ADAM19: variants seen among roughly 807,000 people sequenced by gnomAD.
The protein encoded by ADAM19 is ADAM metallopeptidase domain 19, also known as disintegrin and metalloproteinase domain-containing protein 19.
ADAM19 carries 65 observed loss-of-function variants against 114.7 expected under a neutral mutation model. That is an observed-to-expected ratio of 0.57 (90% CI 0.46 to 0.70). ADAM19 has a LOEUF of 0.70. ADAM19 is among the 30% of genes least tolerant of loss of function. ADAM19 has a pLI of 0.00. For synonymous variants in ADAM19, 466 were observed against 460.5 expected (o/e 1.01, Z -0.15); for missense variants, 1,063 against 1,204.7 (o/e 0.88, Z 1.74).
intron 21 of ADAM19, among the ~76,000 whole-genome samples, chr5:157,486,438 C>T (rs918458764): frequency 6.6e-6 from 1 of 152,104 alleles, no homozygotes; most frequent in Non-Finnish European, 1.5e-5. Flanking sequence ...GGGGTGCCTG[C>T]CACTGGCTGG....
Position 157,502,929 on chromosome 5 carries a change from C to G in ADAM19, c.1182G>C (p.Arg394Ser). The change falls in exon 12 of 23, where the codon AGG becomes AGC. Residue 394 changes from arginine to serine, a missense_variant. Around this residue, in one of 3 missense-constraint regions of ADAM19, gnomAD observed 615 missense variants for 706.3 expected, o/e 0.87. Transcript: ENST00000257527. ...FNGCNRRELD[R>S]YLQSGGGMCL... is the part of the protein sequence containing the mutation. ...ACATTCCACCACCTGACTGCAGATA[C>G]CTGTCCAGCTCCCTCCTGTTGCATC... 6.2e-7 allele frequency: 1 copy of G among 1,614,178 alleles called. No individual in the cohort carries two copies. The highest frequency in any genetic ancestry group is 8.5e-7 in the Non-Finnish European group (1 of 1,180,028).
chr5:157,499,553 T>C lies in ADAM19; in HGVS notation c.1398+20A>G. 3.7e-6 allele frequency: 6 copies of C among 1,604,846 alleles called. No individual in the cohort carries two copies. Among genetic ancestry groups the C allele is most frequent in the Non-Finnish European group, 4.3e-6 (5 of 1,173,206 alleles). Reference sequence around the variant, plus strand: ...CACTGTCAGGCCAGGGCCCAAGGCGTGGAGAAAAGGGCCACTTACCTTACA... The same window carrying C: ...CACTGTCAGGCCAGGGCCCAAGGCGCGGAGAAAAGGGCCACTTACCTTACA... On this transcript the variant is annotated intron_variant, in intron 13 of 22. Coordinates refer to ENST00000257527, the MANE Select transcript of ADAM19 (RefSeq NM_033274.5).
Position 157,477,483 on chromosome 5 carries a change from T to C in ADAM19, c.*3466A>G. On this transcript the variant is annotated 3_prime_UTR_variant, in exon 23 of 23. Coordinates refer to ENST00000257527, the MANE Select transcript of ADAM19 (RefSeq NM_033274.5). ...CTCCCAAATAAAAAGAAAATTCACA[T>C]TGCCCTGGATCCCAGACACATACAA... 1 of 1,041,350 alleles carries C rather than the reference T, an allele frequency of 9.6e-7. No individual in the cohort carries two copies. The highest frequency in any genetic ancestry group is 1.2e-6 in the Non-Finnish European group (1 of 859,704). The allele number at this position is 1,041,350 out of a possible 1,614,324, so 64.5% of individuals were successfully genotyped here. A position where few individuals can be genotyped will look rare whatever the true frequency, so the allele number is the denominator to read the frequency against.
intron 2 of ADAM19, among the ~76,000 whole-genome samples, chr5:157,570,222 T>C (rs987087658): frequency 2.6e-5 from 4 of 152,146 alleles, no homozygotes; most frequent in African/African-American, 4.8e-5. Flanking sequence ...ATCATGTCAC[T>C]GCACTCCAGC....
intron 3 of ADAM19, among the ~76,000 whole-genome samples, chr5:157,553,248 G>T (rs2113781266): frequency 1.3e-5 from 2 of 152,176 alleles, no homozygotes; most frequent in Middle Eastern, 6.8e-3. Context: ...TTCATGATGT[G>T]CTTATTTCAC....
In ADAM19 at chr5:157,492,285, C is replaced by G. The variant is rs571459583; in HGVS notation, c.1909-373G>C. 5.9e-5 allele frequency among the ~76,000 whole-genome samples: 9 copies of G among 152,154 alleles called. No individual in the cohort carries two copies. The South Asian group carries it at 1.9e-3, about 32-fold the overall frequency. The stretch of plus-strand genomic sequence containing the variant: ...CCAGCCTGGGTGACAGAGCAAGACT[C>G]CATCTTAAAAGAAAAAAAGTATGAG... On this transcript the variant is annotated intron_variant, in intron 16 of 22. Coordinates refer to ENST00000257527, the MANE Select transcript of ADAM19 (RefSeq NM_033274.5).
At chr5:157,485,954 A>G (rs1012484522) in intron 21 of ADAM19, among the ~76,000 whole-genome samples, 4 of 152,230 alleles carry the variant, frequency 2.6e-5, no homozygotes, top group Admixed American at 1.3e-4. Context: ...CTGGAGGCAA[A>G]GCTGCCATCT....
intron 2 of ADAM19, chr5:157,568,764 T>G (rs1757741468): frequency 6.6e-6 from 1 of 152,146 alleles, no homozygotes; most frequent in South Asian, 2.1e-4. Flanking sequence ...ATGAGTGAAT[T>G]AATTATATAA....
chr5:157,491,878 AAGG>A lies in ADAM19; in HGVS notation c.1940_1942del (p.Ser647del), dbSNP rs762790571. 1 of 1,614,198 alleles carries A rather than the reference AAGG, an allele frequency of 6.2e-7. No homozygotes were observed. The highest frequency in any genetic ancestry group is 1.1e-5 in the South Asian group (1 of 91,086). On this transcript the variant is annotated inframe_deletion, in exon 17 of 23. Coordinates refer to ENST00000257527, the MANE Select transcript of ADAM19 (RefSeq NM_033274.5). Reference sequence around the variant, plus strand: ...CTTCCCACAGCCTTCAGTTTCAAAGAAGGAGGTGTTCCTGCACTGCCCCTCAAA... The same window carrying A: ...CTTCCCACAGCCTTCAGTTTCAAAGAAGGTGTTCCTGCACTGCCCCTCAAA...
chr5:157,485,053 C>T (rs1375982616), intron 21 of ADAM19, among the ~76,000 whole-genome samples: 1 of 152,222 alleles, frequency 6.6e-6, no homozygotes, highest in Non-Finnish European at 1.5e-5. Context: ...CTCCCTTCCA[C>T]AAGGGATGGC....
At chr5:157,508,984 T>A (rs1755829551) in intron 9 of ADAM19, among the ~76,000 whole-genome samples, 1 of 152,264 alleles carries the variant, frequency 6.6e-6, no homozygotes, top group South Asian at 2.1e-4. Context: ...TTAGAAAGTC[T>A]AAGACCTGAC....
chr5:157,516,134 G>T (rs1328164497), intron 7 of ADAM19, among the ~76,000 whole-genome samples: 1 of 152,158 alleles, frequency 6.6e-6, no homozygotes, highest in Non-Finnish European at 1.5e-5. Context: ...ATTTCTGTCT[G>T]CAGAGGATGG....
At chr5:157,529,660 C>T (rs544939176) in intron 5 of ADAM19, among the ~76,000 whole-genome samples, 22 of 152,248 alleles carry the variant, frequency 1.4e-4, no homozygotes, top group Non-Finnish European at 2.8e-4. Context: ...TAGGAGTTCA[C>T]TGCATGCTGA....
At chr5:157,508,058 C>A (rs1755802155) in intron 9 of ADAM19, among the ~76,000 whole-genome samples, 1 of 152,210 alleles carries the variant, frequency 6.6e-6, no homozygotes, top group Non-Finnish European at 1.5e-5. Flanking sequence ...GAATTACAGG[C>A]AGACTTATCT....
At chr5:157,575,217 T>C (rs1432308505) in intron 1 of ADAM19, among the ~76,000 whole-genome samples, 1 of 151,702 alleles carries the variant, frequency 6.6e-6, no homozygotes, top group South Asian at 2.1e-4. Context: ...CGTTGGCGAG[T>C]GCAGCGGGCG....
Position 157,494,091 on chromosome 5 carries a change from C to T in ADAM19, c.1703+596G>A, listed in dbSNP as rs958227714. On this transcript the variant is annotated intron_variant, in intron 15 of 22. Coordinates refer to ENST00000257527, the MANE Select transcript of ADAM19 (RefSeq NM_033274.5). Reference sequence around the variant, plus strand: ...TCCATGCACTCAGCACAATATCTTGCACATGGTAAATCTTCAATAGATAGT... The same window carrying T: ...TCCATGCACTCAGCACAATATCTTGTACATGGTAAATCTTCAATAGATAGT... Among the ~76,000 whole-genome samples the T allele has an allele frequency of 2.0e-5, 3 of 152,332 alleles. No individual in the cohort carries two copies. In the South Asian group the frequency reaches 6.2e-4, roughly 32 times the overall value.
At chr5:157,532,843 G>T (rs1261804535) in intron 4 of ADAM19, among the ~76,000 whole-genome samples, 4 of 152,170 alleles carry the variant, frequency 2.6e-5, no homozygotes, top group Non-Finnish European at 4.4e-5. Context: ...GCATAGCCAG[G>T]CATATTTAAA....
intron 7 of ADAM19, among the ~76,000 whole-genome samples, chr5:157,515,237 T>C (rs1279441688): frequency 6.6e-6 from 1 of 152,260 alleles, no homozygotes; most frequent in Non-Finnish European, 1.5e-5. Context: ...AGAGGCCTCC[T>C]GTTTCTAAAT....
chr5:157,522,120 C>T (rs1017391168), intron 5 of ADAM19, among the ~76,000 whole-genome samples: 26 of 152,188 alleles, frequency 1.7e-4, no homozygotes, highest in Admixed American at 1.2e-3. Context: ...ATTATAGAGC[C>T]TTTGCTATGG....
Sources: gnomAD v4.1 joint callset for allele counts (sites outside exome capture counted in the v4.1 genomes callset) on GRCh38, gnomAD v4.1.1 for gene constraint, gnomAD v4.1.1 regional missense constraint, MANE v1.5 for transcripts, NCBI Gene and HGNC (gene_info 2026-07-23, HGNC 2026-07-21) for gene names.